The following PMEPA1 variants were observed in gnomAD, a reference collection of about 807,000 sequenced individuals.
PMEPA1 encodes prostate transmembrane protein, androgen induced 1, also known as protein TMEPAI.
In PMEPA1, 11 loss-of-function variants were observed where a neutral mutation model predicts 23.0. The ratio of observed to expected loss-of-function variants is 0.48; its 90% CI spans 0.30 to 0.79. PMEPA1 has a LOEUF of 0.79. PMEPA1 is among the 30% of genes least tolerant of loss of function. PMEPA1 has a pLI of 0.06. For synonymous variants in PMEPA1, 204 were observed against 166.4 expected, an observed-to-expected ratio of 1.23 and a Z score of -1.74; for missense variants, 377 against 390.9, an observed-to-expected ratio of 0.96 and a Z score of 0.30.
Position 57,709,789 on chromosome 20 carries a change from C to T in PMEPA1, c.-207G>A. The stretch of plus-strand genomic sequence containing the variant: ...ACCGCGCTCCGCTGCGCCCCCCCGG[C>T]CTCCCCTCGGCAGCCCCGGGGGCGT... On this transcript the variant is annotated 5_prime_UTR_variant, in exon 1 of 4. Coordinates refer to ENST00000341744, the MANE Select transcript of PMEPA1 (RefSeq NM_020182.5). 1 of 982,440 alleles carries T rather than the reference C, an allele frequency of 1.0e-6. No homozygotes were observed. The highest frequency in any genetic ancestry group is 1.2e-6 in the Non-Finnish European group (1 of 828,458). The allele number at this position is 982,440 out of a possible 1,614,324, so 60.9% of individuals were successfully genotyped here. A position where few individuals can be genotyped will look rare whatever the true frequency, so the allele number is the denominator to read the frequency against.
intron 2 of PMEPA1, among the ~76,000 whole-genome samples, chr20:57,653,992 G>C (rs1247997518): frequency 6.6e-6 from 1 of 152,164 alleles, no homozygotes; most frequent in African/African-American, 2.4e-5. Context: ...AAGTGCCCAA[G>C]GCGGCTGCTC....
In PMEPA1 at chr20:57,652,300, C is replaced by G; in HGVS notation, c.617G>C (p.Cys206Ser). The change falls in exon 4 of 4, where the codon TGC becomes TCC. Residue 206 changes from cysteine to serine, a missense_variant. Coordinates refer to ENST00000341744, the MANE Select transcript of PMEPA1 (RefSeq NM_020182.5). The surrounding 1 kb of genome is among the most constrained non-coding windows in gnomAD (Gnocchi z 6.1). Reference sequence around the variant, plus strand: ...GATGCCCGAGTTACTGCTGGGGGGGCAGGGGCCGCCCAGCCTGGCACTATC... The same window carrying G: ...GATGCCCGAGTTACTGCTGGGGGGGGAGGGGCCGCCCAGCCTGGCACTATC... ...LMDSARLGGP[C>S]PPSSNSGISA... is the part of the protein sequence containing the mutation. The G allele has an allele frequency of 6.2e-7, 1 of 1,610,520 alleles. No individual in the cohort carries two copies. The highest frequency in any genetic ancestry group is 8.5e-7 in the Non-Finnish European group (1 of 1,179,740).
chr20:57,685,530 C>T (rs898499204), intron 1 of PMEPA1, among the ~76,000 whole-genome samples: 5 of 152,124 alleles, frequency 3.3e-5, no homozygotes, highest in African/African-American at 1.2e-4. Flanking sequence ...CGGCCTAAAA[C>T]GATTTGTCAG....
intron 1 of PMEPA1, among the ~76,000 whole-genome samples, chr20:57,661,469 A>T (rs1280473883): frequency 6.6e-6 from 1 of 152,154 alleles, no homozygotes; most frequent in Non-Finnish European, 1.5e-5. Flanking sequence ...CCCGGCTGGC[A>T]TGGGGGCAAG....
chr20:57,698,287 T>G (rs1324973393), intron 1 of PMEPA1, among the ~76,000 whole-genome samples: 1 of 152,194 alleles, frequency 6.6e-6, no homozygotes, highest in Non-Finnish European at 1.5e-5. Context: ...ATTGACACCC[T>G]CTCCATCATC....
At chr20:57,705,875 G>A (rs1238298648) in intron 1 of PMEPA1, among the ~76,000 whole-genome samples, 1 of 152,190 alleles carries the variant, frequency 6.6e-6, no homozygotes, top group Admixed American at 6.5e-5. Context: ...ACAGAGCACA[G>A]GACGGCCTTT....
rs1234613257 is a variant in PMEPA1, at chr20:57,682,887, T to C, written c.110-23190A>G. Among the ~76,000 whole-genome samples, 1 of 152,200 alleles carries C rather than the reference T, an allele frequency of 6.6e-6. No individual in the cohort carries two copies. ...AAATAGATGTTGTCTCCCCACCACATCTGTTTTGCCTGACAAATGAGCAGC... is the reference window on the plus strand; with the variant it reads ...AAATAGATGTTGTCTCCCCACCACACCTGTTTTGCCTGACAAATGAGCAGC... On this transcript the variant is annotated intron_variant, in intron 1 of 3. Coordinates refer to ENST00000341744, the MANE Select transcript of PMEPA1 (RefSeq NM_020182.5). The surrounding 1 kb of genome is among the most constrained non-coding windows in gnomAD (Gnocchi z 4.4).
chr20:57,651,909 A>C lies in PMEPA1; in HGVS notation c.*144T>G. The C allele has an allele frequency of 1.9e-6, 1 of 526,846 alleles. No homozygotes were observed. Among genetic ancestry groups the C allele is most frequent in the South Asian group, 3.9e-5 (1 of 25,418 alleles). 32.6% of individuals were successfully genotyped at this position (526,846 alleles called of 1,614,324 possible). ...TGCATTCAGACCAGACATCACATGT[A>C]AATATTTATACACAGGGAGGTGGGA... is the stretch of plus-strand genomic sequence containing the variant. On this transcript the variant is annotated 3_prime_UTR_variant, in exon 4 of 4. Transcript: ENST00000341744.
In PMEPA1 at chr20:57,651,935, G is replaced by C; in HGVS notation, c.*118C>G. The stretch of plus-strand genomic sequence containing the variant: ...AATATTTATACACAGGGAGGTGGGA[G>C]GGGAGGGCCACACGATGCGTTGCTG... On this transcript the variant is annotated 3_prime_UTR_variant, in exon 4 of 4. Coordinates refer to ENST00000341744, the MANE Select transcript of PMEPA1 (RefSeq NM_020182.5). 1.4e-6 allele frequency: 1 copy of C among 719,574 alleles called. No homozygotes were observed. The highest frequency in any genetic ancestry group is 2.4e-5 in the South Asian group (1 of 41,524). 44.6% of individuals were successfully genotyped at this position (719,574 alleles called of 1,614,324 possible).
At chr20:57,711,041 G>A (rs2072174469), upstream of PMEPA1, 1 of 152,178 alleles carries the variant, frequency 6.6e-6, no homozygotes, top group African/African-American at 2.4e-5. Flanking sequence ...TACAGAGCGG[G>A]CAGCTGGTCA....
chr20:57,703,318 A>G (rs35317673), intron 1 of PMEPA1, among the ~76,000 whole-genome samples: 1 of 152,342 alleles, frequency 6.6e-6, no homozygotes, highest in African/African-American at 2.4e-5. Context: ...CCTGTTAAAA[A>G]TTTCAATTGA....
chr20:57,653,665 C>T (rs2071285836), intron 2 of PMEPA1, among the ~76,000 whole-genome samples: 1 of 152,212 alleles, frequency 6.6e-6, no homozygotes, highest in Non-Finnish European at 1.5e-5. Flanking sequence ...TCCACACTCC[C>T]ACCAGCCATG....
chr20:57,681,468 T>A (rs1473380215), intron 1 of PMEPA1, among the ~76,000 whole-genome samples: 1 of 152,190 alleles, frequency 6.6e-6, no homozygotes, highest in African/African-American at 2.4e-5. Flanking sequence ...GTCCCCTGCC[T>A]GAGACGACCG....
intron 1 of PMEPA1, among the ~76,000 whole-genome samples, chr20:57,666,702 T>C (rs1020875734): frequency 6.6e-6 from 1 of 152,214 alleles, no homozygotes; most frequent in Non-Finnish European, 1.5e-5. Flanking sequence ...TACCCACCTC[T>C]GAGCCAGCGC....
intron 1 of PMEPA1, among the ~76,000 whole-genome samples, chr20:57,678,735 A>C (rs894475923): frequency 3.3e-5 from 5 of 152,202 alleles, no homozygotes; most frequent in Non-Finnish European, 5.9e-5. Context: ...AGTAATCTGG[A>C]AGCACTGGCT....
chr20:57,701,828 TCCTC>T (rs1182349760), intron 1 of PMEPA1, among the ~76,000 whole-genome samples: 1 of 151,942 alleles, frequency 6.6e-6, no homozygotes, highest in Non-Finnish European at 1.5e-5. Flanking sequence ...CCTGCCCACT[TCCTC>T]CCTTCATCCA....
chr20:57,687,580 T>G (rs1231351326), intron 1 of PMEPA1, among the ~76,000 whole-genome samples: 1 of 152,186 alleles, frequency 6.6e-6, no homozygotes, highest in East Asian at 1.9e-4. Context: ...CCAGGAAGGC[T>G]CTATCCATCA....
intron 1 of PMEPA1, chr20:57,690,656 C>A: frequency 9.8e-7 from 1 of 1,024,434 alleles, no homozygotes; most frequent in Non-Finnish European, 1.3e-6. Flanking sequence ...GCTTCTCCTG[C>A]TTGGGCTCTG....
At chr20:57,705,747 T>A (rs2072074174) in intron 1 of PMEPA1, among the ~76,000 whole-genome samples, 1 of 152,158 alleles carries the variant, frequency 6.6e-6, no homozygotes, top group African/African-American at 2.4e-5. Context: ...ACTAACTGAT[T>A]AAACAGTGGT....
Sources: allele counts gnomAD v4.1 joint callset (sites outside exome capture counted in the v4.1 genomes callset), GRCh38; gene constraint gnomAD v4.1.1; non-coding constraint Gnocchi (gnomAD v3.1); transcripts MANE v1.5; gene names NCBI Gene and HGNC (gene_info 2026-07-23, HGNC 2026-07-21).